ITSN1: variants seen among roughly 807,000 people sequenced by gnomAD.
The protein encoded by ITSN1 is intersectin 1.
A neutral mutation model predicts 239.8 loss-of-function variants in ITSN1; 58 were observed. The observed-to-expected ratio is 0.24, with a 90% CI of 0.20 to 0.30. ITSN1 has a LOEUF of 0.30. Ranked by LOEUF, ITSN1 falls within the 10% of genes least tolerant of loss-of-function variation. ITSN1 has a pLI of 1.00. For missense variants in ITSN1, 1,558 were observed against 2,103.3 expected (o/e 0.74, Z 5.07); for synonymous variants, 780 against 770.8 (o/e 1.01, Z -0.20).
Position 33,836,632 on chromosome 21 carries a change from T to C in ITSN1, c.3661T>C (p.Trp1221Arg). ...LTTDMDPSQQ[W>R]CSDLHLLDML... Reference sequence around the variant, plus strand: ...CACAGACATGGACCCAAGCCAGCAATGTAAGTGCCCTGGTGGCTCTGTCGC... The same window carrying C: ...CACAGACATGGACCCAAGCCAGCAACGTAAGTGCCCTGGTGGCTCTGTCGC... Residue 1221 changes from tryptophan to arginine, a missense_variant and splice_region_variant, in exon 29 of 40, where the codon TGG becomes CGG. By Grantham distance (101) the Trp-to-Arg change is moderately radical (BLOSUM62 -3). Transcript: ENST00000381318. 1 of 1,613,000 alleles carries C rather than the reference T, an allele frequency of 6.2e-7. No individual in the cohort carries two copies. The highest frequency in any genetic ancestry group is 8.5e-7 in the Non-Finnish European group (1 of 1,179,210).
At chr21:33,762,536 A>G (rs1167660662) in intron 9 of ITSN1, among the ~76,000 whole-genome samples, 2 of 152,158 alleles carry the variant, frequency 1.3e-5, no homozygotes, top group African/African-American at 2.4e-5. Context: ...AAGTGCTGGA[A>G]TTACAGGCGT....
intron 2 of ITSN1, among the ~76,000 whole-genome samples, chr21:33,719,612 G>C (rs1223423805): frequency 1.3e-5 from 2 of 152,078 alleles, no homozygotes. Flanking sequence ...TTGCAATTAG[G>C]TCATGTGTTT....
chr21:33,819,475 G>A (rs771736198), intron 24 of ITSN1, 152 bp downstream of exon 24: 33 of 508,648 alleles, frequency 6.5e-5, no homozygotes, highest in African/African-American at 1.9e-4. Context: ...TTACAGAATC[G>A]GAGTACTTCA....
intron 4 of ITSN1, among the ~76,000 whole-genome samples, chr21:33,724,799 C>T (rs1291996280): frequency 2.0e-5 from 3 of 152,062 alleles, no homozygotes; most frequent in Non-Finnish European, 4.4e-5. Flanking sequence ...AAATAAAATA[C>T]ACTCTAATGA....
At chr21:33,808,630 G>T (rs185179511) in intron 20 of ITSN1, among the ~76,000 whole-genome samples, 1 of 151,736 alleles carries the variant, frequency 6.6e-6, no homozygotes, top group Admixed American at 6.6e-5. Context: ...AGGCATTGGT[G>T]TAAATATTTG....
chr21:33,678,375 ATTTGTTTAC>A (rs1276008423), intron 1 of ITSN1, among the ~76,000 whole-genome samples: 2 of 152,124 alleles, frequency 1.3e-5, no homozygotes, highest in Non-Finnish European at 2.9e-5. Context: ...GATCTTCTTT[ATTTGTTTAC>A]TGGTTTATTA....
At chr21:33,644,785 T>C (rs1434950534) in intron 1 of ITSN1, among the ~76,000 whole-genome samples, 1 of 151,822 alleles carries the variant, frequency 6.6e-6, no homozygotes, top group East Asian at 1.9e-4. Context: ...CTATCAAGCC[T>C]CCTGTAAGAG....
rs1191459833 is a variant in ITSN1, at chr21:33,806,020, G to A, written c.2319+3576G>A. Among the ~76,000 whole-genome samples the A allele has an allele frequency of 5.7e-5, 8 of 141,022 alleles. No individual in the cohort carries two copies. The East Asian group carries it at 1.7e-3, about 29-fold the overall frequency. 92.5% of individuals were successfully genotyped at this position (141,022 alleles called of 152,430 possible). A position where few individuals can be genotyped will look rare whatever the true frequency, so the allele number is the denominator to read the frequency against. On this transcript the variant is annotated intron_variant, in intron 20 of 39. Transcript: ENST00000381318. ...AGATTGAGACCATCCTGGCTAACACGGTGAAACCCCGTCTCTACTAAAAAT... is the reference window on the plus strand; with the variant it reads ...AGATTGAGACCATCCTGGCTAACACAGTGAAACCCCGTCTCTACTAAAAAT...
At chr21:33,753,500 C>T (rs1402103640) in intron 7 of ITSN1, among the ~76,000 whole-genome samples, 3 of 152,076 alleles carry the variant, frequency 2.0e-5, no homozygotes, top group Non-Finnish European at 1.5e-5. Flanking sequence ...CAGTGGCTCA[C>T]GCCTGTAATC....
intron 34 of ITSN1, among the ~76,000 whole-genome samples, chr21:33,878,639 A>C (rs760428383): frequency 1.3e-5 from 2 of 152,084 alleles, no homozygotes; most frequent in Non-Finnish European, 2.9e-5. Context: ...TCTCCTGTCC[A>C]CCTTCAGTGT....
intron 1 of ITSN1, among the ~76,000 whole-genome samples, chr21:33,668,719 C>A (rs1013068982): frequency 4.6e-5 from 7 of 152,154 alleles, no homozygotes; most frequent in Non-Finnish European, 1.0e-4. Context: ...GTGGCCATAT[C>A]TGTAACTGTC....
At chr21:33,749,433 A>G (rs747346613) in intron 5 of ITSN1, among the ~76,000 whole-genome samples, 1 of 152,124 alleles carries the variant, frequency 6.6e-6, no homozygotes, top group Non-Finnish European at 1.5e-5. Flanking sequence ...ACCTGAGGTC[A>G]GGAGTTTGAG....
intron 5 of ITSN1, among the ~76,000 whole-genome samples, chr21:33,741,494 C>G (rs184009354): frequency 8.0e-4 from 121 of 152,080 alleles, no homozygotes; most frequent in African/African-American, 2.8e-3. Context: ...GAACTGTAAA[C>G]CAGTCATCTA....
chr21:33,780,339 C>A (rs190095474), intron 14 of ITSN1, among the ~76,000 whole-genome samples: 2 of 152,274 alleles, frequency 1.3e-5, no homozygotes, highest in East Asian at 3.9e-4. Flanking sequence ...ATAAAACATT[C>A]TTTGAAGAAA....
Position 33,802,368 on chromosome 21 carries a change from A to G in ITSN1, c.2305-62A>G. 3 of 1,515,302 alleles carry G rather than the reference A, an allele frequency of 2.0e-6. No individual in the cohort carries two copies. In the South Asian group the frequency reaches 3.4e-5, roughly 17 times the overall value. 93.9% of individuals were successfully genotyped at this position (1,515,302 alleles called of 1,614,324 possible). ...CGTAGAGTTTAGATATGCTGTAAGA[A>G]TAAAGCATGTCATTAAACATATATT... On this transcript the variant is annotated intron_variant, in intron 19 of 39. Coordinates refer to ENST00000381318, the MANE Select transcript of ITSN1 (RefSeq NM_003024.3).
chr21:33,868,942 G>A (rs1982229043), intron 33 of ITSN1, among the ~76,000 whole-genome samples: 1 of 151,876 alleles, frequency 6.6e-6, no homozygotes, highest in Non-Finnish European at 1.5e-5. Flanking sequence ...CAGAAAATGA[G>A]AGCTTAGTCG....
chr21:33,701,810 G>A (rs117444466), intron 1 of ITSN1, among the ~76,000 whole-genome samples: 7,766 of 150,924 alleles, frequency 0.051, 242 homozygotes, highest in Non-Finnish European at 0.079. Flanking sequence ...AAAAAAGGCC[G>A]GAATCCTAGC....
chr21:33,864,978 C>T (rs545121107), intron 31 of ITSN1, among the ~76,000 whole-genome samples, 173 bp from the exon 32 acceptor site: 3 of 152,220 alleles, frequency 2.0e-5, no homozygotes, highest in Non-Finnish European at 4.4e-5. Context: ...GGTGCTACCT[C>T]TCTGTAGCCC....
At chr21:33,738,632 C>T (rs1270047820) in intron 5 of ITSN1, among the ~76,000 whole-genome samples, 3 of 151,822 alleles carry the variant, frequency 2.0e-5, no homozygotes, top group Non-Finnish European at 4.4e-5. Context: ...GAACTCCTGA[C>T]CTTGTGATCC....
Sources: allele counts gnomAD v4.1 joint callset (sites outside exome capture counted in the v4.1 genomes callset), GRCh38; gene constraint gnomAD v4.1.1; transcripts MANE v1.5; gene names NCBI Gene and HGNC (gene_info 2026-07-23, HGNC 2026-07-21).